SRP68: variants seen among roughly 807,000 people sequenced by gnomAD.
The protein encoded by SRP68 is signal recognition particle subunit SRP68.
In SRP68, 15 loss-of-function variants were observed where a neutral mutation model predicts 82.2. The observed-to-expected ratio is 0.18, with a 90% CI of 0.12 to 0.28. The LOEUF (loss-of-function observed/expected upper bound fraction) is 0.28. SRP68 is among the 10% of genes least tolerant of loss of function. The pLI is 1.00. For synonymous variants in SRP68, 261 were observed against 292.6 expected, an observed-to-expected ratio of 0.89 and a Z score of 1.10; for missense variants, 595 against 780.5, an observed-to-expected ratio of 0.76 and a Z score of 2.83.
chr17:76,070,583 G>A (rs559252235), intron 1 of SRP68, 139 bp from the exon 2 acceptor site: 29 of 752,168 alleles, frequency 3.9e-5, no homozygotes, highest in Non-Finnish European at 6.1e-5. Context: ...GCTCATGCCT[G>A]TAATCCCAGC....
At chr17:76,061,315 C>A (rs2066750721) in intron 5 of SRP68, 96 bp from the exon 6 acceptor site, 2 of 982,774 alleles carry the variant, frequency 2.0e-6, no homozygotes, top group Non-Finnish European at 3.2e-6. Flanking sequence ...CCTTTTGAAG[C>A]TCTCCTACCA....
intron 6 of SRP68, among the ~76,000 whole-genome samples, 191 bp downstream of exon 6, chr17:76,060,919 A>C (rs2144515440): frequency 6.6e-6 from 1 of 152,330 alleles, no homozygotes; most frequent in East Asian, 1.9e-4. Context: ...CAGAAGCAGA[A>C]CCGTCTTCTA....
Position 76,072,089 on chromosome 17 carries a change from A to C in SRP68, c.184+219T>G. 3 of 865,988 alleles carry C rather than the reference A, an allele frequency of 3.5e-6. No individual in the cohort carries two copies. The highest frequency in any genetic ancestry group is 5.2e-6 in the Non-Finnish European group (3 of 582,420). 53.6% of individuals were successfully genotyped at this position (865,988 alleles called of 1,614,324 possible). A position where few individuals can be genotyped will look rare whatever the true frequency, so the allele number is the denominator to read the frequency against. On this transcript the variant is annotated intron_variant, in intron 1 of 15. Transcript: ENST00000307877. This position sits in a 1 kb window ranked among gnomAD's most constrained non-coding sequence, Gnocchi z 4.5. ...TGCCTGATATCCCAGTGCCACTGGAAGAAACGGACCTAGCCAGGACGGCGA... is the reference window on the plus strand; with the variant it reads ...TGCCTGATATCCCAGTGCCACTGGACGAAACGGACCTAGCCAGGACGGCGA...
At chr17:76,050,625 ACACT>A in intron 8 of SRP68, 99 bp from the exon 9 acceptor site, 1 of 738,374 alleles carries the variant, frequency 1.4e-6, no homozygotes, top group South Asian at 1.5e-5. Flanking sequence ...CCCCAACCAC[ACACT>A]CACTCACGCA....
At position 76,072,147 on chromosome 17, in the gene SRP68, G is replaced by GTC; in HGVS notation, c.184+160_184+161insGA. On this transcript the variant is annotated intron_variant, in intron 1 of 15. Coordinates refer to ENST00000307877, the MANE Select transcript of SRP68 (RefSeq NM_014230.4). This position sits in a 1 kb window ranked among gnomAD's most constrained non-coding sequence, Gnocchi z 4.5. ...ACGAGGAAAGACTAGTCGAGAGACA[G>GTC]ACCCCCCCCGGAATTCTGAGCACCA... 1.6e-6 allele frequency: 2 copies of GTC among 1,285,706 alleles called. No homozygotes were observed. The highest frequency in any genetic ancestry group is 2.1e-6 in the Non-Finnish European group (2 of 952,722). 79.6% of individuals were successfully genotyped at this position (1,285,706 alleles called of 1,614,324 possible).
chr17:76,062,908 C>T (rs2066778628), intron 4 of SRP68, among the ~76,000 whole-genome samples: 1 of 147,928 alleles, frequency 6.8e-6, no homozygotes, highest in Admixed American at 7.0e-5. Context: ...GTAGCTGGGA[C>T]TACAGGTGTC....
At chr17:76,068,786 CAG>C (rs1016143609) in intron 2 of SRP68, among the ~76,000 whole-genome samples, 7 of 152,028 alleles carry the variant, frequency 4.6e-5, no homozygotes, top group Non-Finnish European at 1.0e-4. Flanking sequence ...TTTTTTGAGA[CAG>C]AGTCTCACTA....
intron 6 of SRP68, 82 bp downstream of exon 6, chr17:76,061,028 C>G (rs1356044546): frequency 1.2e-6 from 1 of 860,776 alleles, no homozygotes; most frequent in Non-Finnish European, 1.9e-6. Context: ...TACATCAACT[C>G]TCTAGGCTCT....
At position 76,072,458 on chromosome 17, in the gene SRP68, C is replaced by T. The variant is rs200964219; in HGVS notation, c.34G>A (p.Gly12Ser). The T allele has an allele frequency of 6.3e-7, 1 of 1,583,286 alleles. No homozygotes were observed. Among genetic ancestry groups the T allele is most frequent in the Non-Finnish European group, 8.5e-7 (1 of 1,171,172 alleles). ...CCGCCGCCGCCACTGCCGCCGCCGCCGCCGCCGCCTGGGACCTGCTTCTCA... is the reference window on the plus strand; with the variant it reads ...CCGCCGCCGCCACTGCCGCCGCCGCTGCCGCCGCCTGGGACCTGCTTCTCA... ...AAEKQVPGGGGGGGSGGGGGS... is the reference protein window; with the variant it reads ...AAEKQVPGGGSGGGSGGGGGS... Residue 12 changes from glycine to serine, a missense_variant, in exon 1 of 16, where the codon GGC becomes AGC. This residue lies in a region of SRP68 where 100 missense variants were observed against 91.9 expected (regional missense o/e 1.09). Coordinates refer to ENST00000307877, the MANE Select transcript of SRP68 (RefSeq NM_014230.4). The surrounding 1 kb of genome is among the most constrained non-coding windows in gnomAD (Gnocchi z 4.5).
intron 14 of SRP68, 141 bp from the exon 15 acceptor site, chr17:76,040,615 T>A: frequency 1.2e-6 from 1 of 819,486 alleles, no homozygotes; most frequent in South Asian, 1.5e-5. Context: ...TGTCTCCTGC[T>A]GAGAAGTGGT....
chr17:76,044,096 A>C, intron 12 of SRP68, 138 bp from the exon 13 acceptor site: 1 of 942,408 alleles, frequency 1.1e-6, no homozygotes, highest in Non-Finnish European at 1.5e-6. Context: ...AGCCCCCTTC[A>C]TGGGAAGTGT....
chr17:76,062,140 A>G (rs893424739), intron 4 of SRP68, among the ~76,000 whole-genome samples: 2 of 151,888 alleles, frequency 1.3e-5, no homozygotes, highest in African/African-American at 2.4e-5. Context: ...CAAAAAAATT[A>G]GCTGGACATG....
At chr17:76,069,827 A>G (rs34241936) in intron 2 of SRP68, among the ~76,000 whole-genome samples, 3,626 of 152,000 alleles carry the variant, frequency 0.024, 60 homozygotes, top group Non-Finnish European at 0.037. Flanking sequence ...CTGTAATTCC[A>G]ACACTTTGGG....
At position 76,071,534 on chromosome 17, in the gene SRP68, C is replaced by T. The variant is rs780528858; in HGVS notation, c.184+774G>A. Among the ~76,000 whole-genome samples the T allele has an allele frequency of 7.9e-5, 12 of 152,170 alleles. No individual in the cohort carries two copies. The highest frequency in any genetic ancestry group is 1.3e-4 in the Non-Finnish European group (9 of 68,040). On this transcript the variant is annotated intron_variant, in intron 1 of 15. Coordinates refer to ENST00000307877, the MANE Select transcript of SRP68 (RefSeq NM_014230.4). This position sits in a 1 kb window ranked among gnomAD's most constrained non-coding sequence, Gnocchi z 4.7. ...TAAAATCAGGGCTCGCTAGCGTCTA[C>T]TTGGAACTATTACCAGTAATTCAAA...
chr17:76,070,565 G>GC, intron 1 of SRP68, 121 bp from the exon 2 acceptor site: 1 of 858,000 alleles, frequency 1.2e-6, no homozygotes. Flanking sequence ...ATATAGCCAG[G>GC]TACGGTGGCT....
intron 9 of SRP68, 111 bp downstream of exon 9, chr17:76,050,317 C>A: frequency 1.4e-6 from 1 of 737,700 alleles, no homozygotes. Flanking sequence ...AAAAACGAAA[C>A]AGTGGCCAAG....
chr17:76,063,578 C>T (rs1241334135), intron 4 of SRP68, among the ~76,000 whole-genome samples: 2 of 151,686 alleles, frequency 1.3e-5, no homozygotes, highest in African/African-American at 4.8e-5. Flanking sequence ...ATCCCACCTA[C>T]TCGGGAGGCT....
Position 76,072,300 on chromosome 17 carries a change from T to C in SRP68, c.184+8A>G, listed in dbSNP as rs767647308. 1.6e-5 allele frequency: 25 copies of C among 1,611,686 alleles called. No individual in the cohort carries two copies. The highest frequency in any genetic ancestry group is 2.2e-5 in the East Asian group (1 of 44,556). On this transcript the variant is annotated splice_region_variant and intron_variant, in intron 1 of 15. Transcript: ENST00000307877. This position sits in a 1 kb window ranked among gnomAD's most constrained non-coding sequence, Gnocchi z 4.5. ...CATTGCGAGTTAGGCCCGATTACTC[T>C]AGGATACTCTCCAAACTCAGGCTAT...
At chr17:76,060,484 C>A in intron 6 of SRP68, 94 bp from the exon 7 acceptor site, 1 of 794,556 alleles carries the variant, frequency 1.3e-6, no homozygotes, top group South Asian at 1.5e-5. Context: ...CTTCCCCCTC[C>A]ACATGCTACT....
Sources: allele counts gnomAD v4.1 joint callset (sites outside exome capture counted in the v4.1 genomes callset), GRCh38; gene constraint gnomAD v4.1.1; regional missense constraint gnomAD v4.1.1; non-coding constraint Gnocchi (gnomAD v3.1); transcripts MANE v1.5; gene names NCBI Gene and HGNC (gene_info 2026-07-23, HGNC 2026-07-21).